NHS: variants seen among roughly 807,000 people sequenced by gnomAD.
NHS encodes the protein actin remodeling regulator NHS.
In NHS, 5 loss-of-function variants were observed where a neutral mutation model predicts 72.5. The observed-to-expected ratio is 0.07, with a 90% CI of 0.04 to 0.14. The LOEUF is 0.14. Among genes scored for constraint, NHS ranks in the 10% least tolerant of loss-of-function variants. The pLI is 1.00. For synonymous variants in NHS, 464 were observed against 547.7 expected (o/e 0.85, Z 2.13); for missense variants, 1,072 against 1,355.7 (o/e 0.79, Z 3.29).
In NHS at chrX:17,728,675, A is replaced by G; in HGVS notation, c.4249A>G (p.Ile1417Val). 1 of 1,210,059 alleles carries G rather than the reference A, an allele frequency of 8.3e-7. No homozygotes were observed. Among genetic ancestry groups the G allele is most frequent in the Non-Finnish European group, 1.1e-6 (1 of 894,580 alleles). Residue 1417 changes from isoleucine (I) to valine (V), a missense_variant, in exon 8 of 9, where the codon ATT (isoleucine) becomes GTT (valine). Physicochemically the swap from Ile to Val is conservative, Grantham distance 29. Coordinates refer to ENST00000676302, the MANE Select transcript of NHS (RefSeq NM_001291867.2). The part of the protein sequence containing the change: ...KESSPSDDSI[I>V]SPLSEDSQAE... ...ATCATCACCGAGTGATGACTCCATC[A>G]TTTCACCACTTAGTGAAGACTCCCA...
At chrX:17,521,738 A>G (rs2065149857) in intron 1 of NHS, among the ~76,000 whole-genome samples, 1 of 112,291 alleles carries the variant, frequency 8.9e-6, no homozygotes, top group African/African-American at 3.2e-5. Context: ...CTTCTTTGGG[A>G]GAGATGTCTG....
Position 17,383,069 on chromosome X carries a change from A to T in NHS, c.565+6747A>T, listed in dbSNP as rs140757888. On this transcript the variant is annotated intron_variant, in intron 1 of 8. Coordinates refer to ENST00000676302, the MANE Select transcript of NHS (RefSeq NM_001291867.2). ...TCTCAAGTAGGACTGAGCTCCAGTT[A>T]CCCACAGTGATGACTTATTTGATGA... 3.1e-4 allele frequency among the ~76,000 whole-genome samples: 35 copies of T among 111,942 alleles called. No individual in the cohort carries two copies. The East Asian group carries it at 9.3e-3, about 30-fold the overall frequency.
chrX:17,580,776 G>T (rs751540167), intron 1 of NHS, among the ~76,000 whole-genome samples: 9 of 112,482 alleles, frequency 8.0e-5, no homozygotes, highest in Admixed American at 3.8e-4. Context: ...CTTCTCTCCA[G>T]ATGGAATTCT....
At chrX:17,684,792 A>T (rs866812386) in intron 1 of NHS, among the ~76,000 whole-genome samples, 4 of 112,366 alleles carry the variant, frequency 3.6e-5, no homozygotes, top group Non-Finnish European at 7.5e-5. Context: ...GGGTATGTGC[A>T]CAAGAAGGCA....
At position 17,441,666 on chromosome X, in the gene NHS, CTTCCTTCCTTCG is replaced by C. The variant is rs1041589708; in HGVS notation, c.565+65356_565+65367del. ...CCTCCTTCCAGTTTTTCCTTCCTTC[CTTCCTTCCTTCG>C]TTCCTTCCTTCCAGCATTTACCAAT... On this transcript the variant is annotated intron_variant, in intron 1 of 8. Coordinates refer to ENST00000676302, the MANE Select transcript of NHS (RefSeq NM_001291867.2). Among the ~76,000 whole-genome samples the C allele has an allele frequency of 3.2e-3, 353 of 111,276 alleles. 2 individuals are homozygous for C. Among genetic ancestry groups the C allele is most frequent in the African/African-American group, 0.011 (327 of 30,602 alleles).
chrX:17,451,832 G>A (rs917234472), intron 1 of NHS, among the ~76,000 whole-genome samples: 12 of 111,816 alleles, frequency 1.1e-4, no homozygotes, highest in African/African-American at 3.6e-4. Flanking sequence ...AACATATGTT[G>A]TATGAAAGAC....
chrX:17,452,317 C>T (rs891932287), intron 1 of NHS, among the ~76,000 whole-genome samples: 14 of 111,138 alleles, frequency 1.3e-4, no homozygotes, highest in Non-Finnish European at 2.6e-4. Context: ...ATTTTTTTCT[C>T]TAACGCCCTG....
At chrX:17,383,724 A>G (rs762601814) in intron 1 of NHS, among the ~76,000 whole-genome samples, 3 of 111,605 alleles carry the variant, frequency 2.7e-5, no homozygotes, top group Non-Finnish European at 3.8e-5. Flanking sequence ...CTCCTCTTAC[A>G]TTGGGGATTA....
At chrX:17,708,147 G>A (rs1387382863) in intron 3 of NHS, among the ~76,000 whole-genome samples, 1 of 111,756 alleles carries the variant, frequency 8.9e-6, no homozygotes, top group Non-Finnish European at 1.9e-5. Flanking sequence ...CTTTAAACCA[G>A]TTAAGGAAAA....
intron 1 of NHS, among the ~76,000 whole-genome samples, chrX:17,518,477 A>T (rs1398519145): frequency 2.7e-5 from 3 of 111,675 alleles, no homozygotes; most frequent in Non-Finnish European, 3.8e-5. Flanking sequence ...CCGCCCCTCC[A>T]GTTGATCTAC....
At chrX:17,482,808 T>A (rs1178591572) in intron 1 of NHS, among the ~76,000 whole-genome samples, 3 of 112,398 alleles carry the variant, frequency 2.7e-5, no homozygotes, top group African/African-American at 6.5e-5. Context: ...ATTTCTCTTT[T>A]AAATTTTTTT....
chrX:17,697,187 G>A (rs2066236111), intron 3 of NHS, among the ~76,000 whole-genome samples: 1 of 111,165 alleles, frequency 9.0e-6, no homozygotes, highest in African/African-American at 3.3e-5. Context: ...TGGGAGTGAA[G>A]AAGAAAAGAG....
At chrX:17,378,726 T>G (rs1205605794) in intron 1 of NHS, among the ~76,000 whole-genome samples, 1 of 112,095 alleles carries the variant, frequency 8.9e-6, no homozygotes, top group Non-Finnish European at 1.9e-5. Flanking sequence ...GGCGACCCTC[T>G]GAGCACACAC....
intron 1 of NHS, among the ~76,000 whole-genome samples, chrX:17,495,481 A>C (rs1007060850): frequency 1.8e-5 from 2 of 112,099 alleles, no homozygotes; most frequent in Non-Finnish European, 3.8e-5. Flanking sequence ...ATATAGATGT[A>C]TTCTTTCATA....
chrX:17,622,223 A>G (rs759356158), intron 1 of NHS, among the ~76,000 whole-genome samples: 2 of 111,973 alleles, frequency 1.8e-5, no homozygotes, highest in East Asian at 2.8e-4. Flanking sequence ...TTGCTTTTCA[A>G]ATTTCATTTA....
chrX:17,649,238 T>G (rs763192409), intron 1 of NHS, among the ~76,000 whole-genome samples: 1 of 112,550 alleles, frequency 8.9e-6, no homozygotes, highest in Non-Finnish European at 1.9e-5. Flanking sequence ...TGCTATAGAT[T>G]ATTCACATTT....
chrX:17,676,756 A>G (rs1750444489), intron 1 of NHS, among the ~76,000 whole-genome samples: 1 of 112,339 alleles, frequency 8.9e-6, no homozygotes, highest in African/African-American at 3.2e-5. Context: ...CAAATGTTTC[A>G]TGACTTGGTG....
intron 1 of NHS, among the ~76,000 whole-genome samples, chrX:17,565,810 A>G (rs1424762159): frequency 8.9e-6 from 1 of 112,081 alleles, no homozygotes; most frequent in Admixed American, 9.5e-5. Flanking sequence ...GCCACATACA[A>G]ATGTCACACA....
intron 1 of NHS, among the ~76,000 whole-genome samples, chrX:17,477,902 A>G (rs1342857988): frequency 3.6e-5 from 4 of 111,618 alleles, no homozygotes; most frequent in African/African-American, 1.3e-4. Context: ...TTTGCAAACA[A>G]TCTACCATGG....
Sources: gnomAD v4.1 joint callset for allele counts (sites outside exome capture counted in the v4.1 genomes callset) on GRCh38, gnomAD v4.1.1 for gene constraint, MANE v1.5 for transcripts, NCBI Gene and HGNC (gene_info 2026-07-23, HGNC 2026-07-21) for gene names.